The following ADAMTS17 variants were observed in gnomAD, a reference collection of about 807,000 sequenced individuals.
ADAMTS17 encodes the protein ADAM metallopeptidase with thrombospondin type 1 motif 17.
In ADAMTS17, 113 loss-of-function variants were observed where a neutral mutation model predicts 141.5. The observed-to-expected ratio is 0.80, with a 90% CI of 0.69 to 0.93. The LOEUF is 0.93. Among genes scored for constraint, ADAMTS17 ranks in the 40% least tolerant of loss-of-function variants. The pLI is 0.00. For missense variants in ADAMTS17, 1,659 were observed against 1,517.9 expected, an observed-to-expected ratio of 1.09 and a Z score of -1.54; for synonymous variants, 768 against 630.6, an observed-to-expected ratio of 1.22 and a Z score of -3.27.
chr15:100,291,737 G>C (rs971652506), intron 3 of ADAMTS17, among the ~76,000 whole-genome samples: 1 of 152,130 alleles, frequency 6.6e-6, no homozygotes, highest in Non-Finnish European at 1.5e-5. Context: ...ACTAACACCA[G>C]AACAGAAAAC....
intron 8 of ADAMTS17, among the ~76,000 whole-genome samples, chr15:100,172,716 G>A (rs1238269969): frequency 1.3e-5 from 2 of 152,126 alleles, no homozygotes; most frequent in Non-Finnish European, 2.9e-5. Flanking sequence ...GCCAATACGG[G>A]AACAACACAG....
Position 99,993,129 on chromosome 15 carries a change from G to A in ADAMTS17, c.2868C>T (p.Asp956=), listed in dbSNP as rs139604699. ...VACTNSQGKC[D]ASTRPRAEEA... ...CCTCGGCTCTCGGCCTCGTGGATGC[G>A]TCGCATTTCCCTTGTGAGTTGGTGC... Residue 956 remains aspartate (D), a synonymous_variant, in exon 20 of 22, where the codon GAC becomes GAT. Transcript: ENST00000268070. The surrounding 1 kb of genome is among the most constrained non-coding windows in gnomAD (Gnocchi z 4.3). 241 of 1,614,142 alleles carry A rather than the reference G, an allele frequency of 1.5e-4. 1 individual carries two copies. The highest frequency in any genetic ancestry group is 1.8e-4 in the Non-Finnish European group (213 of 1,180,040).
chr15:100,159,605 T>G (rs1342475456), intron 8 of ADAMTS17, among the ~76,000 whole-genome samples: 1 of 152,220 alleles, frequency 6.6e-6, no homozygotes, highest in Non-Finnish European at 1.5e-5. Flanking sequence ...AGAAATAAAA[T>G]GTCTCATGAA....
At chr15:100,249,879 G>T (rs1399825860) in intron 7 of ADAMTS17, among the ~76,000 whole-genome samples, 1 of 152,120 alleles carries the variant, frequency 6.6e-6, no homozygotes, top group Admixed American at 6.5e-5. Flanking sequence ...ACAATAACAG[G>T]TTACCCTGGG....
chr15:100,116,955 T>C lies in ADAMTS17; in HGVS notation c.1780A>G (p.Asn594Asp). ...GGCAGACCCTTGGGGCAGGGCAGGT[T>C]CTCGCAGACCGCATGTTCTACACTG... ...GASVEHAVCE[N>D]LPCPKGLPSF... The change falls in exon 13 of 22, where the codon AAC becomes GAC. Residue 594 changes from asparagine (N) to aspartate (D), a missense_variant. Physicochemically the swap from Asn to Asp is conservative, Grantham distance 23 (BLOSUM62 1). Coordinates refer to ENST00000268070, the MANE Select transcript of ADAMTS17 (RefSeq NM_139057.4). The C allele has an allele frequency of 6.2e-7, 1 of 1,614,038 alleles. No homozygotes were observed. Among genetic ancestry groups the C allele is most frequent in the Non-Finnish European group, 8.5e-7 (1 of 1,180,016 alleles).
At chr15:100,106,889 G>C (rs2036445578) in intron 14 of ADAMTS17, among the ~76,000 whole-genome samples, 1 of 152,190 alleles carries the variant, frequency 6.6e-6, no homozygotes, top group South Asian at 2.1e-4. Flanking sequence ...CAGGGCCTTG[G>C]ACATTCTTTG....
intron 4 of ADAMTS17, among the ~76,000 whole-genome samples, chr15:100,274,391 T>C (rs572823631): frequency 1.3e-5 from 2 of 152,366 alleles, no homozygotes; most frequent in East Asian, 1.9e-4. Context: ...TATCTTCTTA[T>C]ATATTGGAAC....
At chr15:100,277,569 A>G (rs1181247773) in intron 4 of ADAMTS17, among the ~76,000 whole-genome samples, 1 of 152,208 alleles carries the variant, frequency 6.6e-6, no homozygotes, top group African/African-American at 2.4e-5. Context: ...AGATGAAAAC[A>G]TCTGGTGCAG....
intron 18 of ADAMTS17, among the ~76,000 whole-genome samples, chr15:100,000,056 C>T (rs1456005310): frequency 6.6e-6 from 1 of 152,154 alleles, no homozygotes; most frequent in Non-Finnish European, 1.5e-5. Context: ...ACAAGTGGCA[C>T]ATTGTCCATA....
intron 16 of ADAMTS17, among the ~76,000 whole-genome samples, chr15:100,053,054 G>A (rs556348391): frequency 6.6e-6 from 1 of 152,348 alleles, no homozygotes; most frequent in South Asian, 2.1e-4. Context: ...TAACGGGGAA[G>A]AAGAACTTCC....
At chr15:100,271,318 T>C (rs1304981305) in intron 4 of ADAMTS17, among the ~76,000 whole-genome samples, 1 of 152,244 alleles carries the variant, frequency 6.6e-6, no homozygotes, top group Non-Finnish European at 1.5e-5. Flanking sequence ...TGAGGAATCA[T>C]ACCATTTTCT....
intron 15 of ADAMTS17, among the ~76,000 whole-genome samples, chr15:100,087,031 C>CA (rs1289580471): frequency 1.8e-4 from 27 of 152,168 alleles, no homozygotes; most frequent in African/African-American, 6.3e-4. Flanking sequence ...AAAAACCCTT[C>CA]AAAAAATCAA....
chr15:100,259,358 G>A (rs1489285269), intron 6 of ADAMTS17, among the ~76,000 whole-genome samples: 1 of 152,152 alleles, frequency 6.6e-6, no homozygotes, highest in East Asian at 1.9e-4. Context: ...CGGCACCCAG[G>A]GTATTCTACA....
intron 4 of ADAMTS17, among the ~76,000 whole-genome samples, chr15:100,275,372 A>G (rs2044046314): frequency 6.6e-6 from 1 of 152,232 alleles, no homozygotes; most frequent in Non-Finnish European, 1.5e-5. Context: ...GCCTAGTGAC[A>G]AAGTTCCAAT....
At chr15:100,181,838 T>G (rs1206597240) in intron 8 of ADAMTS17, among the ~76,000 whole-genome samples, 2 of 152,248 alleles carry the variant, frequency 1.3e-5, no homozygotes. Context: ...TCTAATTAAG[T>G]TGCATGCCCC....
chr15:100,271,329 A>G (rs2043902879), intron 4 of ADAMTS17, among the ~76,000 whole-genome samples: 1 of 152,160 alleles, frequency 6.6e-6, no homozygotes, highest in Admixed American at 6.5e-5. Flanking sequence ...ACCATTTTCT[A>G]TATATTCCCA....
intron 19 of ADAMTS17, among the ~76,000 whole-genome samples, chr15:99,995,377 C>G (rs920849250): frequency 5.3e-5 from 8 of 152,206 alleles, no homozygotes; most frequent in Non-Finnish European, 1.2e-4. Context: ...AATGTCCAGC[C>G]TATTTCTTAA....
chr15:100,011,429 A>G (rs545791948), intron 18 of ADAMTS17, among the ~76,000 whole-genome samples: 1 of 124,842 alleles, frequency 8.0e-6, no homozygotes. Flanking sequence ...GAAAGGGAGG[A>G]ATGAGGAAAG....
intron 7 of ADAMTS17, among the ~76,000 whole-genome samples, chr15:100,237,069 C>T (rs2042680395): frequency 6.6e-6 from 1 of 152,006 alleles, no homozygotes. Context: ...CTCAGGCCCC[C>T]ACAACCCTGC....
Sources: gnomAD v4.1 joint callset for allele counts (sites outside exome capture counted in the v4.1 genomes callset) on GRCh38, gnomAD v4.1.1 for gene constraint, Gnocchi (gnomAD v3.1) non-coding constraint, MANE v1.5 for transcripts, NCBI Gene and HGNC (gene_info 2026-07-23, HGNC 2026-07-21) for gene names.